Variants in SCAPER observed in about 807,000 individuals in gnomAD.
The protein encoded by SCAPER is S-phase cyclin A associated protein in the ER, also known as S phase cyclin A-associated protein in the endoplasmic reticulum.
Under a neutral mutation model 182.2 loss-of-function variants are expected in SCAPER, and 98 were observed. The observed-to-expected ratio is 0.54, with a 90% CI of 0.46 to 0.64. The LOEUF (loss-of-function observed/expected upper bound fraction) is 0.64. SCAPER is among the 30% of genes least tolerant of loss of function. The pLI, the probability that SCAPER is intolerant of heterozygous loss-of-function variation, is 0.00. For missense variants in SCAPER, 1,432 were observed against 1,690.0 expected (o/e 0.85, Z 2.68); for synonymous variants, 605 against 564.6 (o/e 1.07, Z -1.01).
intron 23 of SCAPER, among the ~76,000 whole-genome samples, chr15:76,521,996 C>T (rs1253344500): frequency 6.6e-6 from 1 of 152,058 alleles, no homozygotes; most frequent in Non-Finnish European, 1.5e-5. Context: ...CATTTTACTG[C>T]TTTTGTAGAG....
intron 20 of SCAPER, among the ~76,000 whole-genome samples, chr15:76,699,719 T>C (rs2058832198): frequency 6.6e-6 from 1 of 152,180 alleles, no homozygotes; most frequent in Non-Finnish European, 1.5e-5. Flanking sequence ...GTGTTCCTGG[T>C]CCGCTGGCAA....
At chr15:76,560,154 T>C (rs1027553686) in intron 23 of SCAPER, among the ~76,000 whole-genome samples, 6 of 152,128 alleles carry the variant, frequency 3.9e-5, no homozygotes, top group South Asian at 2.1e-4. Context: ...CCCGGTGTGA[T>C]AGCATTGGGT....
intron 17 of SCAPER, 27 bp from the exon 18 acceptor site, chr15:76,706,011 A>T: frequency 6.6e-7 from 1 of 1,506,306 alleles, no homozygotes. Context: ...AAAATTATAA[A>T]CTCAACTGCT....
Position 76,348,902 on chromosome 15 carries a change from A to G in SCAPER, c.4100-166T>C, listed in dbSNP as rs1405299554. The G allele has an allele frequency of 5.9e-6, 3 of 510,848 alleles. 1 individual carries two copies. The highest frequency in any genetic ancestry group is 3.1e-5 in the East Asian group (1 of 32,570). The allele number at this position is 510,848 out of a possible 1,614,324, so 31.6% of individuals were successfully genotyped here. ...TAAGGTGATTGATCTATATGTATCA[A>G]TCTATCTGTAGTATAAAATATATGA... On this transcript the variant is annotated intron_variant, in intron 31 of 31. Coordinates refer to ENST00000563290, the MANE Select transcript of SCAPER (RefSeq NM_020843.4).
intron 29 of SCAPER, among the ~76,000 whole-genome samples, chr15:76,361,517 G>A (rs1327862567): frequency 6.6e-6 from 1 of 152,200 alleles, no homozygotes; most frequent in Non-Finnish European, 1.5e-5. Context: ...TCAGAAGCAA[G>A]TCTAATAAAA....
chr15:76,798,116 T>C (rs1052326187), intron 7 of SCAPER, among the ~76,000 whole-genome samples: 9 of 152,072 alleles, frequency 5.9e-5, no homozygotes, highest in African/African-American at 1.9e-4. Flanking sequence ...TCCTAGCACA[T>C]TGGGAGCCCA....
At chr15:76,733,912 C>A (rs1391317444) in intron 15 of SCAPER, among the ~76,000 whole-genome samples, 2 of 152,020 alleles carry the variant, frequency 1.3e-5, no homozygotes, top group Non-Finnish European at 2.9e-5. Context: ...TATAAAAAAT[C>A]CACAGGCCTT....
intron 15 of SCAPER, among the ~76,000 whole-genome samples, chr15:76,748,276 C>T (rs2061913085): frequency 6.6e-6 from 1 of 152,104 alleles, no homozygotes; most frequent in Non-Finnish European, 1.5e-5. Flanking sequence ...AGGCGTGAGC[C>T]ACCGCGCCTG....
At chr15:76,697,193 T>C (rs1320621958) in intron 20 of SCAPER, among the ~76,000 whole-genome samples, 2 of 152,216 alleles carry the variant, frequency 1.3e-5, no homozygotes, top group Admixed American at 6.5e-5. Context: ...ATGTTTACTA[T>C]AGATACCCTC....
intron 24 of SCAPER, among the ~76,000 whole-genome samples, chr15:76,472,833 C>CA (rs979063837): frequency 6.6e-6 from 1 of 152,140 alleles, no homozygotes; most frequent in Non-Finnish European, 1.5e-5. Context: ...GACTCTGAGA[C>CA]ATGTAGCCAC....
intron 27 of SCAPER, among the ~76,000 whole-genome samples, chr15:76,390,439 C>A (rs1316181803): frequency 6.6e-6 from 1 of 152,056 alleles, no homozygotes; most frequent in African/African-American, 2.4e-5. Flanking sequence ...AACTCTGGAC[C>A]CTGGCAAAGG....
chr15:76,799,683 G>T (rs1598799292), intron 7 of SCAPER, among the ~76,000 whole-genome samples: 1 of 152,132 alleles, frequency 6.6e-6, no homozygotes, highest in African/African-American at 2.4e-5. Context: ...AAATAAGAAG[G>T]AACTGCCCAC....
intron 17 of SCAPER, among the ~76,000 whole-genome samples, chr15:76,722,612 A>G (rs1026708451): frequency 2.0e-5 from 3 of 152,118 alleles, no homozygotes; most frequent in Non-Finnish European, 4.4e-5. Flanking sequence ...AGAGCCTGTT[A>G]TTGGTCTATT....
chr15:76,658,670 T>C (rs908408588), intron 21 of SCAPER, among the ~76,000 whole-genome samples: 3 of 152,084 alleles, frequency 2.0e-5, no homozygotes, highest in African/African-American at 7.2e-5. Flanking sequence ...CTTCATACTA[T>C]ACCTTACAAG....
intron 27 of SCAPER, among the ~76,000 whole-genome samples, chr15:76,398,214 C>T (rs541835006): frequency 2.0e-5 from 3 of 152,264 alleles, no homozygotes; most frequent in Non-Finnish European, 4.4e-5. Context: ...GACAAGTAAC[C>T]GTCATTTCTC....
At chr15:76,517,564 T>C (rs1464622462) in intron 23 of SCAPER, among the ~76,000 whole-genome samples, 1 of 152,044 alleles carries the variant, frequency 6.6e-6, no homozygotes, top group Non-Finnish European at 1.5e-5. Context: ...TTGGCCAAGC[T>C]GGTCTCAAAC....
chr15:76,527,981 A>T (rs2043333454), intron 23 of SCAPER, among the ~76,000 whole-genome samples: 2 of 152,196 alleles, frequency 1.3e-5, no homozygotes, highest in South Asian at 4.1e-4. Flanking sequence ...TTTCCCCACC[A>T]GTCTAACATT....
At chr15:76,560,193 G>A (rs375075830) in intron 23 of SCAPER, among the ~76,000 whole-genome samples, 2 of 152,100 alleles carry the variant, frequency 1.3e-5, no homozygotes, top group African/African-American at 2.4e-5. Context: ...TAATTTAGGA[G>A]GTCTCTAATC....
chr15:76,488,044 C>T (rs1408879479), intron 24 of SCAPER, among the ~76,000 whole-genome samples: 1 of 152,118 alleles, frequency 6.6e-6, no homozygotes, highest in East Asian at 1.9e-4. Context: ...CTCTCCCACC[C>T]CCAAGATAAA....
Sources: allele counts gnomAD v4.1 joint callset (sites outside exome capture counted in the v4.1 genomes callset), GRCh38; gene constraint gnomAD v4.1.1; transcripts MANE v1.5; gene names NCBI Gene and HGNC (gene_info 2026-07-23, HGNC 2026-07-21).